MMP26: variants seen among roughly 807,000 people sequenced by gnomAD.
The protein encoded by MMP26 is matrix metallopeptidase 26, also known as matrix metalloproteinase-26.
Under a neutral mutation model 31.0 loss-of-function variants are expected in MMP26, and 33 were observed. That is an observed-to-expected ratio of 1.06 (90% confidence interval 0.81 to 1.42). The LOEUF is 1.42. Ranked by LOEUF, MMP26 falls within the 40% of genes most tolerant of loss-of-function variation. The pLI is 0.00. For synonymous variants in MMP26, 122 were observed against 114.9 expected, an observed-to-expected ratio of 1.06 and a Z score of -0.40; for missense variants, 347 against 316.1, an observed-to-expected ratio of 1.10 and a Z score of -0.74.
chr11:4,907,482 C>G (rs775584743), intron 2 of MMP26: 1 of 1,613,884 alleles, frequency 6.2e-7, no homozygotes, highest in South Asian at 1.1e-5. Flanking sequence ...TACCTGCTTG[C>G]CATCATGGGC....
intron 2 of MMP26, among the ~76,000 whole-genome samples, chr11:4,845,624 T>A (rs1217005316): frequency 1.3e-5 from 2 of 152,078 alleles, no homozygotes; most frequent in Non-Finnish European, 2.9e-5. Flanking sequence ...AGCTTCTGCA[T>A]AGCAAATAAA....
chr11:4,775,521 A>T (rs967967053), intron 2 of MMP26, among the ~76,000 whole-genome samples: 2 of 152,078 alleles, frequency 1.3e-5, no homozygotes, highest in Non-Finnish European at 2.9e-5. Context: ...CCAGCTGATG[A>T]TCTATGTTTT....
intron 2 of MMP26, among the ~76,000 whole-genome samples, chr11:4,851,864 A>G (rs980658497): frequency 1.3e-5 from 2 of 152,164 alleles, no homozygotes; most frequent in African/African-American, 4.8e-5. Flanking sequence ...AAACAAATGT[A>G]ATGCAATGAA....
chr11:4,860,186 C>A, intron 2 of MMP26: 1 of 470,946 alleles, frequency 2.1e-6, no homozygotes, highest in South Asian at 1.5e-5. Context: ...TTTCGGATGG[C>A]CACAAATCTG....
chr11:4,933,297 G>C (rs1183982516), intron 2 of MMP26, among the ~76,000 whole-genome samples: 1 of 151,900 alleles, frequency 6.6e-6, no homozygotes, highest in Non-Finnish European at 1.5e-5. Flanking sequence ...TGGGCTACTC[G>C]ATGTGCTCGC....
chr11:4,769,668 A>C, intron 2 of MMP26: 1 of 1,612,986 alleles, frequency 6.2e-7, no homozygotes, highest in Non-Finnish European at 8.5e-7. Context: ...AGGATACCTA[A>C]TGTTGTTGAC....
chr11:4,831,404 C>T (rs771180384), intron 2 of MMP26, among the ~76,000 whole-genome samples: 1 of 152,178 alleles, frequency 6.6e-6, no homozygotes, highest in Non-Finnish European at 1.5e-5. Flanking sequence ...TTGAAGATCT[C>T]TCTGAGGTTT....
In MMP26 at chr11:4,992,361, C is replaced by G; in HGVS notation, c.*119C>G. 1 of 945,174 alleles carries G rather than the reference C, an allele frequency of 1.1e-6. No homozygotes were observed. 58.5% of individuals were successfully genotyped at this position (945,174 alleles called of 1,614,324 possible). Reference sequence around the variant, plus strand: ...AGGATGAAGCCCTAAAGAATGCAACCTAGTCAGGTTAGCTGAACCGACACT... The same window carrying G: ...AGGATGAAGCCCTAAAGAATGCAACGTAGTCAGGTTAGCTGAACCGACACT... On this transcript the variant is annotated 3_prime_UTR_variant, in exon 8 of 8. Coordinates refer to ENST00000380390, the MANE Select transcript of MMP26 (RefSeq NM_021801.5).
intron 1 of MMP26, chr11:4,722,807 G>C (rs1848033303): frequency 2.1e-6 from 2 of 965,660 alleles, no homozygotes; most frequent in African/African-American, 3.2e-5. Context: ...TCACAACCAC[G>C]GCCCTGGTGG....
chr11:4,710,035 C>G (rs139375941), intron 1 of MMP26: 1 of 456,748 alleles, frequency 2.2e-6, no homozygotes, highest in Non-Finnish European at 4.4e-6. Context: ...AGGGGAACAA[C>G]AGCTCTAGTG....
At chr11:4,755,558 G>A (rs1057502606) in intron 1 of MMP26, among the ~76,000 whole-genome samples, 1 of 152,030 alleles carries the variant, frequency 6.6e-6, no homozygotes, top group African/African-American at 2.4e-5. Context: ...GGGTGGCACT[G>A]GTAGAGATAC....
intron 2 of MMP26, chr11:4,848,705 T>C (rs1397431004): frequency 6.2e-7 from 1 of 1,614,044 alleles, no homozygotes. Context: ...CCAGCAGGAA[T>C]GGCAGGGGCA....
In MMP26 at chr11:4,982,303, G is replaced by A. The variant is rs12283081; in HGVS notation, c.-144-5765G>A. ...CAGTTTCTTTATATCAGCATTATCA[G>A]AAATGCAATGTGTTATGACGTTACG... On this transcript the variant is annotated intron_variant, in intron 2 of 7. Transcript: ENST00000380390. Among the ~76,000 whole-genome samples, 1,457 of 152,104 alleles carry A rather than the reference G, an allele frequency of 9.6e-3. 23 individuals are homozygous for A. Among genetic ancestry groups the A allele is most frequent in the African/African-American group, 0.033 (1,374 of 41,468 alleles).
intron 1 of MMP26, among the ~76,000 whole-genome samples, chr11:4,758,804 C>T (rs116553971): frequency 0.016 from 2,425 of 151,968 alleles, 57 homozygotes; most frequent in African/African-American, 0.056. Context: ...GTTTACTATA[C>T]GACTTTTAAA....
At chr11:4,722,026 A>T (rs549456322) in intron 1 of MMP26, among the ~76,000 whole-genome samples, 3 of 152,186 alleles carry the variant, frequency 2.0e-5, no homozygotes, top group African/African-American at 7.2e-5. Context: ...TTTTGCTCCA[A>T]CCGTGTGAAG....
At chr11:4,759,109 C>T (rs1240035208) in intron 1 of MMP26, among the ~76,000 whole-genome samples, 6 of 75,364 alleles carry the variant, frequency 8.0e-5, no homozygotes, top group Admixed American at 1.7e-4. Flanking sequence ...GACATTCCAT[C>T]TCAAAAAAAA....
intron 2 of MMP26, chr11:4,908,511 A>C: frequency 1.7e-6 from 1 of 590,418 alleles, no homozygotes; most frequent in Non-Finnish European, 3.0e-6. Flanking sequence ...ATAGAGGTTT[A>C]ATTAACATTT....
intron 1 of MMP26, among the ~76,000 whole-genome samples, chr11:4,707,237 T>C (rs924146486): frequency 1.3e-5 from 2 of 152,232 alleles, no homozygotes; most frequent in African/African-American, 4.8e-5. Context: ...TGAGGTTATA[T>C]CTCACTGTGA....
chr11:4,871,511 A>G (rs2133526760), intron 2 of MMP26, among the ~76,000 whole-genome samples: 1 of 152,210 alleles, frequency 6.6e-6, no homozygotes, highest in African/African-American at 2.4e-5. Flanking sequence ...ATAGATCTGT[A>G]TTAGGCAAAG....
Sources: gnomAD v4.1 joint callset for allele counts (sites outside exome capture counted in the v4.1 genomes callset) on GRCh38, gnomAD v4.1.1 for gene constraint, MANE v1.5 for transcripts, NCBI Gene and HGNC (gene_info 2026-07-23, HGNC 2026-07-21) for gene names.